The following DNAAF9 variants were observed in gnomAD, a reference collection of about 807,000 sequenced individuals.
DNAAF9 encodes dynein axonemal assembly factor 9, also known as shulin.
In DNAAF9, 90 loss-of-function variants were observed where a neutral mutation model predicts 167.0. The observed-to-expected ratio is 0.54, with a 90% CI of 0.45 to 0.64. The LOEUF (loss-of-function observed/expected upper bound fraction) is 0.64. Among genes scored for constraint, DNAAF9 ranks in the 30% least tolerant of loss-of-function variants. The pLI is 0.00. For synonymous variants in DNAAF9, 491 were observed against 508.8 expected, an observed-to-expected ratio of 0.96 and a Z score of 0.47; for missense variants, 1,315 against 1,442.2, an observed-to-expected ratio of 0.91 and a Z score of 1.43.
At chr20:3,362,277 T>G in intron 6 of DNAAF9, 2 of 1,263,686 alleles carry the variant, frequency 1.6e-6, no homozygotes, top group Non-Finnish European at 2.3e-6. Context: ...CTTCCAACAG[T>G]TGGAAATTGC....
intron 26 of DNAAF9, among the ~76,000 whole-genome samples, chr20:3,288,160 G>T (rs1442687751): frequency 2.6e-5 from 4 of 152,222 alleles, no homozygotes; most frequent in Non-Finnish European, 2.9e-5. Flanking sequence ...TCAGAAATGG[G>T]CAGGGTTGGC....
At chr20:3,405,708 A>G (rs1335431755) in intron 1 of DNAAF9, among the ~76,000 whole-genome samples, 1 of 152,226 alleles carries the variant, frequency 6.6e-6, no homozygotes, top group Admixed American at 6.5e-5. Flanking sequence ...CCATGCTACT[A>G]AAAACAAGAA....
At chr20:3,308,763 G>A (rs2069349785) in intron 20 of DNAAF9, among the ~76,000 whole-genome samples, 1 of 151,780 alleles carries the variant, frequency 6.6e-6, no homozygotes, top group Admixed American at 6.6e-5. Flanking sequence ...CTTCACGTGA[G>A]GCCTGGAGTT....
At chr20:3,330,228 G>C (rs565669709) in intron 12 of DNAAF9, among the ~76,000 whole-genome samples, 1 of 152,242 alleles carries the variant, frequency 6.6e-6, no homozygotes, top group Admixed American at 6.5e-5. Flanking sequence ...TAATGTTCAT[G>C]TCATAAACCA....
chr20:3,277,963 C>CT lies in DNAAF9; in HGVS notation c.2650+948dup, dbSNP rs142425000. 2.8e-3 allele frequency among the ~76,000 whole-genome samples: 420 copies of CT among 152,302 alleles called. 1 individual carries two copies. The highest frequency in any genetic ancestry group is 9.5e-3 in the African/African-American group (395 of 41,558). ...GCAGGATGAAACTGTGCTGGGGACA[C>CT]TGAGTTGTTTTCTTCCATCTGATTT... On this transcript the variant is annotated intron_variant, in intron 29 of 36. Coordinates refer to ENST00000252032, the MANE Select transcript of DNAAF9 (RefSeq NM_001009984.3).
intron 8 of DNAAF9, among the ~76,000 whole-genome samples, chr20:3,346,059 T>C (rs1324665468): frequency 1.3e-5 from 2 of 152,162 alleles, no homozygotes; most frequent in Non-Finnish European, 2.9e-5. Flanking sequence ...ATCAAACATA[T>C]GAGGGAATGT....
At chr20:3,331,910 G>A (rs1164310896) in intron 11 of DNAAF9, among the ~76,000 whole-genome samples, 1 of 152,242 alleles carries the variant, frequency 6.6e-6, no homozygotes, top group African/African-American at 2.4e-5. Context: ...CTGACCTTAA[G>A]TGATCTGCCT....
intron 3 of DNAAF9, 78 bp downstream of exon 3, chr20:3,381,301 A>G: frequency 8.4e-7 from 1 of 1,193,082 alleles, no homozygotes; most frequent in South Asian, 1.7e-5. Context: ...TTATTCCATA[A>G]GAAGACCATA....
At chr20:3,347,995 A>AG (rs1382755426) in intron 8 of DNAAF9, among the ~76,000 whole-genome samples, 1 of 152,202 alleles carries the variant, frequency 6.6e-6, no homozygotes. Context: ...TCTGAGCCAC[A>AG]GGGGAGCACA....
intron 12 of DNAAF9, among the ~76,000 whole-genome samples, chr20:3,329,551 T>C (rs775050976): frequency 6.2e-4 from 94 of 152,236 alleles, no homozygotes; most frequent in Non-Finnish European, 6.3e-4. Flanking sequence ...ATATTTTCTA[T>C]AGTATGATTA....
At chr20:3,386,399 A>G (rs1443095224) in intron 1 of DNAAF9, among the ~76,000 whole-genome samples, 10 of 152,236 alleles carry the variant, frequency 6.6e-5, no homozygotes, top group Non-Finnish European at 5.9e-5. Flanking sequence ...TCTTTTCAAT[A>G]AGTAGGGCTA....
rs568795570 is a variant in DNAAF9 at position 3,386,286 on chromosome 20, A to G, written c.84-3780T>C. Among the ~76,000 whole-genome samples, 35 of 152,362 alleles carry G rather than the reference A, an allele frequency of 2.3e-4. No homozygotes were observed. The South Asian group carries it at 6.8e-3, about 30-fold the overall frequency. Reference sequence around the variant, plus strand: ...GTGGTACTGGCTAAGGGACAGACACATAAGTCAATGGAACAGATAGAGTAA... The same window carrying G: ...GTGGTACTGGCTAAGGGACAGACACGTAAGTCAATGGAACAGATAGAGTAA... On this transcript the variant is annotated intron_variant, in intron 1 of 36. Coordinates refer to ENST00000252032, the MANE Select transcript of DNAAF9 (RefSeq NM_001009984.3).
Position 3,259,542 on chromosome 20 carries a change from G to A in DNAAF9, c.2993C>T (p.Ser998Phe), listed in dbSNP as rs915540144. The change falls in exon 33 of 37, where the codon TCC becomes TTC. Residue 998 changes from serine (S) to phenylalanine (F), a missense_variant. Around this residue, in one of 2 missense-constraint regions of DNAAF9, gnomAD observed 334 missense variants for 429.7 expected, o/e 0.78. Coordinates refer to ENST00000252032, the MANE Select transcript of DNAAF9 (RefSeq NM_001009984.3). ...TCCGGAGAAGGGACTTGGCTTGATG[G>A]AGGACTGAATTGCTGGTGGAAGAAG... is the stretch of plus-strand genomic sequence containing the variant. ...FVAKCKAIQS[S>F]IKPSPFSGNI... The A allele has an allele frequency of 1.2e-6, 2 of 1,611,718 alleles. No homozygotes were observed. The highest frequency in any genetic ancestry group is 2.7e-5 in the African/African-American group (2 of 74,862).
chr20:3,306,210 G>A (rs1221509137), intron 20 of DNAAF9, among the ~76,000 whole-genome samples: 3 of 152,122 alleles, frequency 2.0e-5, no homozygotes, highest in African/African-American at 7.2e-5. Context: ...CTCCAGCCCA[G>A]CAACTACTCT....
intron 9 of DNAAF9, among the ~76,000 whole-genome samples, chr20:3,342,836 G>T (rs1025315512): frequency 6.6e-6 from 1 of 152,142 alleles, no homozygotes; most frequent in African/African-American, 2.4e-5. Context: ...CATGACAAAA[G>T]AGATGTGGGA....
At chr20:3,359,395 C>A in intron 7 of DNAAF9, 121 bp downstream of exon 7, 1 of 703,830 alleles carries the variant, frequency 1.4e-6, no homozygotes, top group Non-Finnish European at 2.5e-6. Flanking sequence ...GAAGAAACTG[C>A]TCTATTTTTT....
Position 3,281,774 on chromosome 20 carries a change from A to G in DNAAF9, c.2487-8T>C. 1.9e-6 allele frequency: 3 copies of G among 1,605,522 alleles called. No individual in the cohort carries two copies. Among genetic ancestry groups the G allele is most frequent in the Non-Finnish European group, 2.5e-6 (3 of 1,176,574 alleles). Reference sequence around the variant, plus strand: ...TCAATAACATCTGTGTAGCTGGGGAAGGTAAAAAAGGAATGATTAGTTCAC... The same window carrying G: ...TCAATAACATCTGTGTAGCTGGGGAGGGTAAAAAAGGAATGATTAGTTCAC... On this transcript the variant is annotated splice_polypyrimidine_tract_variant and splice_region_variant and intron_variant, in intron 27 of 36. Transcript: ENST00000252032.
At chr20:3,347,369 C>G (rs980514921) in intron 8 of DNAAF9, among the ~76,000 whole-genome samples, 1 of 152,006 alleles carries the variant, frequency 6.6e-6, no homozygotes, top group Non-Finnish European at 1.5e-5. Flanking sequence ...AATTTATCAT[C>G]AGAAGATTAA....
Position 3,252,460 on chromosome 20 carries a change from A to G in DNAAF9, c.*112T>C, listed in dbSNP as rs986855665. On this transcript the variant is annotated 3_prime_UTR_variant, in exon 37 of 37. Transcript: ENST00000252032. ...TCAAGCCAGCCCACACAGGCCAAGGAGAACAAAGACAGCCCCTTAAGGGAG... is the reference window on the plus strand; with the variant it reads ...TCAAGCCAGCCCACACAGGCCAAGGGGAACAAAGACAGCCCCTTAAGGGAG... The G allele has an allele frequency of 2.9e-6, 2 of 695,958 alleles. No individual in the cohort carries two copies. Among genetic ancestry groups the G allele is most frequent in the Admixed American group, 2.2e-5 (1 of 45,598 alleles). The allele number at this position is 695,958 out of a possible 1,614,324, so 43.1% of individuals were successfully genotyped here. A position where few individuals can be genotyped will look rare whatever the true frequency, so the allele number is the denominator to read the frequency against.
Sources: gnomAD v4.1 joint callset for allele counts (sites outside exome capture counted in the v4.1 genomes callset) on GRCh38, gnomAD v4.1.1 for gene constraint, gnomAD v4.1.1 regional missense constraint, MANE v1.5 for transcripts, NCBI Gene and HGNC (gene_info 2026-07-23, HGNC 2026-07-21) for gene names.